GLP2R: variants seen among roughly 807,000 people sequenced by gnomAD.
GLP2R encodes glucagon like peptide 2 receptor.
GLP2R carries 59 observed loss-of-function variants against 68.2 expected under a neutral mutation model. The observed-to-expected ratio is 0.87, with a 90% confidence interval of 0.70 to 1.07. The LOEUF (loss-of-function observed/expected upper bound fraction) is 1.07. GLP2R is among the 50% of genes least tolerant of loss of function. The probability of loss-of-function intolerance (pLI) is 0.00; values close to 1 mark genes in which losing one functional copy is unlikely to be tolerated. For synonymous variants in GLP2R, 270 were observed against 265.4 expected (o/e 1.02, Z -0.17); for missense variants, 548 against 677.4 (o/e 0.81, Z 2.12).
Position 9,854,583 on chromosome 17 carries a change from C to A in GLP2R, c.593C>A (p.Thr198Asn). Residue 198 changes from threonine to asparagine, a missense_variant, in exon 5 of 13, where the codon ACC becomes AAC. By Grantham distance (65) the Thr-to-Asn change is moderately conservative (BLOSUM62 0). Coordinates refer to ENST00000262441, the MANE Select transcript of GLP2R (RefSeq NM_004246.3). ...FSLISLFLAL[T>N]LLLFLRKLHC... ...CTTATCTCCCTCTTCCTGGCTCTCA[C>A]CCTCCTCTTGTTTCTTCGGTGAGTA... is the stretch of plus-strand genomic sequence containing the variant. 6.2e-7 allele frequency: 1 copy of A among 1,602,304 alleles called. No homozygotes were observed. The highest frequency in any genetic ancestry group is 8.6e-7 in the Non-Finnish European group (1 of 1,169,244).
intron 10 of GLP2R, among the ~76,000 whole-genome samples, chr17:9,871,823 C>T (rs2152044411): frequency 6.9e-6 from 1 of 145,874 alleles, no homozygotes; most frequent in Admixed American, 7.1e-5. Context: ...CTCCCAGATT[C>T]AAGCCATTCT....
At chr17:9,860,390 G>T (rs1226720887) in intron 7 of GLP2R, among the ~76,000 whole-genome samples, 3 of 152,106 alleles carry the variant, frequency 2.0e-5, no homozygotes, top group Non-Finnish European at 4.4e-5. Context: ...TAGTCTGCTT[G>T]GAATGTCAAA....
rs576993601 is a variant in GLP2R at position 9,833,046 on chromosome 17, A to G, written c.190-761A>G. 2.6e-5 allele frequency among the ~76,000 whole-genome samples: 4 copies of G among 152,254 alleles called. No homozygotes were observed. The East Asian group carries it at 5.8e-4, about 22-fold the overall frequency. On this transcript the variant is annotated intron_variant, in intron 1 of 12. Transcript: ENST00000262441. ...GGGAAGCTGAGGTGGGCAGATCACGAGGTCAGGAGATCAAGACCATCCTGC... is the reference window on the plus strand; with the variant it reads ...GGGAAGCTGAGGTGGGCAGATCACGGGGTCAGGAGATCAAGACCATCCTGC...
intron 4 of GLP2R, among the ~76,000 whole-genome samples, chr17:9,851,495 C>T (rs1230589815): frequency 1.3e-5 from 2 of 152,096 alleles, no homozygotes; most frequent in African/African-American, 4.8e-5. Context: ...TAGGTTTGTG[C>T]TGGTCTTAGA....
intron 10 of GLP2R, among the ~76,000 whole-genome samples, chr17:9,872,601 T>A (rs17810423): frequency 0.11 from 17,053 of 151,978 alleles, 1,364 homozygotes; most frequent in South Asian, 0.28. Flanking sequence ...CAAAAAACGG[T>A]GTACACGATG....
In GLP2R at chr17:9,879,286, TAAAATAAATAAAATAAAATA is replaced by T. The variant is rs1163651884; in HGVS notation, c.1146-1088_1146-1069del. Among the ~76,000 whole-genome samples, 377 of 56,566 alleles carry T rather than the reference TAAAATAAATAAAATAAAATA, an allele frequency of 6.7e-3. 2 individuals carry two copies. Among genetic ancestry groups the T allele is most frequent in the Admixed American group, 8.0e-3 (44 of 5,494 alleles). 37.1% of individuals were successfully genotyped at this position (56,566 alleles called of 152,430 possible). On this transcript the variant is annotated intron_variant, in intron 10 of 12. Coordinates refer to ENST00000262441, the MANE Select transcript of GLP2R (RefSeq NM_004246.3). ...TAAAATAAAATAAAATAAAATAAAATAAAATAAATAAAATAAAATAAAATAAAATAAAATAAAATAAAATA... is the reference window on the plus strand; with the variant it reads ...TAAAATAAAATAAAATAAAATAAAATAAATAAAATAAAATAAAATAAAATA...
intron 11 of GLP2R, among the ~76,000 whole-genome samples, chr17:9,887,727 G>A (rs150499767): frequency 2.6e-4 from 40 of 152,268 alleles, no homozygotes; most frequent in African/African-American, 8.2e-4. Flanking sequence ...CGGGCGGGGC[G>A]CTGGATGTCA....
At chr17:9,848,867 T>TTGTGTGTGTGTGTGTG (rs144324194) in intron 4 of GLP2R, among the ~76,000 whole-genome samples, 57 of 139,422 alleles carry the variant, frequency 4.1e-4, no homozygotes, top group African/African-American at 1.3e-3. Flanking sequence ...TTAAAGGAGA[T>TTGTGTGTGTGTGTGTG]TGTGTGTGTG....
chr17:9,888,295 C>A (rs1331558532), intron 12 of GLP2R, among the ~76,000 whole-genome samples: 1 of 152,100 alleles, frequency 6.6e-6, no homozygotes, highest in African/African-American at 2.4e-5. Flanking sequence ...CCTTGGTTCA[C>A]CCTCAGGAGT....
intron 10 of GLP2R, among the ~76,000 whole-genome samples, chr17:9,873,281 C>T (rs2067112265): frequency 6.6e-6 from 1 of 152,202 alleles, no homozygotes; most frequent in African/African-American, 2.4e-5. Flanking sequence ...AGAGCTGACA[C>T]ACTGCTGCTT....
chr17:9,829,862 A>G (rs2066664866), intron 1 of GLP2R, among the ~76,000 whole-genome samples: 2 of 152,248 alleles, frequency 1.3e-5, no homozygotes, highest in Non-Finnish European at 2.9e-5. Context: ...TTCCTTCTCT[A>G]ACAAAGAAAA....
chr17:9,831,373 A>G (rs1486137350), intron 1 of GLP2R, among the ~76,000 whole-genome samples: 3 of 152,184 alleles, frequency 2.0e-5, no homozygotes, highest in Admixed American at 1.3e-4. Flanking sequence ...CAGAGATGAA[A>G]GACACCTCTC....
chr17:9,837,573 G>C (rs929546582), intron 3 of GLP2R, among the ~76,000 whole-genome samples: 1 of 152,188 alleles, frequency 6.6e-6, no homozygotes, highest in Non-Finnish European at 1.5e-5. Flanking sequence ...CAATAGGTTA[G>C]TGTTTTTAAC....
rs186636128 is a variant in GLP2R, at chr17:9,862,956, A to G, written c.1056+866A>G. Among the ~76,000 whole-genome samples, 19 of 152,326 alleles carry G rather than the reference A, an allele frequency of 1.2e-4. No homozygotes were observed. The East Asian group carries it at 3.7e-3, about 29-fold the overall frequency. ...TATAGGGGAGTTTCAATATTTGTCA[A>G]TAATAGAAGGCAACTCTCTGTTTAG... On this transcript the variant is annotated intron_variant, in intron 9 of 12. Coordinates refer to ENST00000262441, the MANE Select transcript of GLP2R (RefSeq NM_004246.3).
At chr17:9,839,005 C>T (rs965076530) in intron 3 of GLP2R, among the ~76,000 whole-genome samples, 5 of 152,212 alleles carry the variant, frequency 3.3e-5, no homozygotes, top group African/African-American at 4.8e-5. Context: ...GAAGCTGTAA[C>T]TGACGACTGA....
Position 9,860,007 on chromosome 17 carries a change from G to A in GLP2R, c.831G>A (p.Trp277Ter), listed in dbSNP as rs1367013314. Residue 277 changes from tryptophan to a stop codon, truncating the protein, a stop_gained, in exon 7 of 13, where the codon TGG (tryptophan) becomes TGA (stop). Coordinates refer to ENST00000262441, the MANE Select transcript of GLP2R (RefSeq NM_004246.3). LOFTEE classifies it high-confidence loss of function. ...LHYFVGANYL[W>*]LLVEGLYLHT... ...ACTTTGTGGGTGCCAATTACTTATG[G>A]CTGCTGGTTGAAGGCCTCTACCTCC... is the stretch of plus-strand genomic sequence containing the variant. The A allele has an allele frequency of 3.1e-6, 5 of 1,613,414 alleles. No individual in the cohort carries two copies. Among genetic ancestry groups the A allele is most frequent in the Non-Finnish European group, 4.2e-6 (5 of 1,179,892 alleles).
At position 9,842,560 on chromosome 17, in the gene GLP2R, A is replaced by G. The variant is rs1166636808; in HGVS notation, c.448A>G (p.Thr150Ala). 1.2e-6 allele frequency: 2 copies of G among 1,614,110 alleles called. No individual in the cohort carries two copies. The highest frequency in any genetic ancestry group is 1.7e-4 in the Middle Eastern group (1 of 6,048). ...QGTWQTIENA[T>A]DIWQDDSECS... is the part of the protein sequence containing the mutation. Reference sequence around the variant, plus strand: ...GACTTGGCAGACGATAGAGAACGCCACGGATATTTGGCAGGATGACTCCGA... The same window carrying G: ...GACTTGGCAGACGATAGAGAACGCCGCGGATATTTGGCAGGATGACTCCGA... Residue 150 changes from threonine (T) to alanine (A), a missense_variant, in exon 4 of 13, where the codon ACG becomes GCG. Thr to Ala is a moderately conservative substitution (Grantham distance 58). Transcript: ENST00000262441.
chr17:9,860,080 A>G lies in GLP2R; in HGVS notation c.904A>G (p.Arg302Gly). The change falls in exon 7 of 13, where the codon AGA becomes GGA. Residue 302 changes from arginine (R) to glycine (G), a missense_variant. Coordinates refer to ENST00000262441, the MANE Select transcript of GLP2R (RefSeq NM_004246.3). ...TVLPERRLWP[R>G]YLLLGWAFPV... ...GCTTCCTGAGAGGCGGCTGTGGCCC[A>G]GATACCTGCTGTTGGGTTGGGGTGA... The G allele has an allele frequency of 1.2e-6, 2 of 1,609,056 alleles. No individual in the cohort carries two copies. The highest frequency in any genetic ancestry group is 1.7e-6 in the Non-Finnish European group (2 of 1,177,426).
chr17:9,889,717 A>T lies in GLP2R; in HGVS notation c.*12A>T. The stretch of plus-strand genomic sequence containing the variant: ...AGAGTGAGATCTAGGGTGGAGTTCC[A>T]CCACCCTGGCTCTGCTCCCAGGGAC... On this transcript the variant is annotated 3_prime_UTR_variant, in exon 13 of 13. Transcript: ENST00000262441. The T allele has an allele frequency of 6.7e-7, 1 of 1,493,668 alleles. No individual in the cohort carries two copies. Among genetic ancestry groups the T allele is most frequent in the Non-Finnish European group, 9.1e-7 (1 of 1,104,030 alleles). 92.5% of individuals were successfully genotyped at this position (1,493,668 alleles called of 1,614,324 possible). A position where few individuals can be genotyped will look rare whatever the true frequency, so the allele number is the denominator to read the frequency against.
Sources: allele counts gnomAD v4.1 joint callset (sites outside exome capture counted in the v4.1 genomes callset), GRCh38; gene constraint gnomAD v4.1.1; transcripts MANE v1.5; gene names NCBI Gene and HGNC (gene_info 2026-07-23, HGNC 2026-07-21).